NUP210: variants seen among roughly 807,000 people sequenced by gnomAD.
NUP210 encodes nucleoporin 210, also known as nuclear pore membrane glycoprotein 210.
A neutral mutation model predicts 196.0 loss-of-function variants in NUP210; 151 were observed. The ratio of observed to expected loss-of-function variants is 0.77; its 90% confidence interval spans 0.67 to 0.88. The LOEUF (loss-of-function observed/expected upper bound fraction) is 0.88. Among genes scored for constraint, NUP210 ranks in the 40% least tolerant of loss-of-function variants. The probability of loss-of-function intolerance (pLI) is 0.00; values close to 1 mark genes in which losing one functional copy is unlikely to be tolerated. For synonymous variants in NUP210, 1,070 were observed against 1,052.7 expected (o/e 1.02, Z -0.32); for missense variants, 2,314 against 2,493.7 (o/e 0.93, Z 1.53).
chr3:13,398,728 T>C (rs1052471496), intron 2 of NUP210, among the ~76,000 whole-genome samples: 1 of 152,128 alleles, frequency 6.6e-6, no homozygotes. Context: ...GAAACCAGCC[T>C]GGACAACACA....
In NUP210 at chr3:13,420,192, G is replaced by C; in HGVS notation, c.35C>G (p.Thr12Arg). 1 of 1,221,284 alleles carries C rather than the reference G, an allele frequency of 8.2e-7. No homozygotes were observed. Among genetic ancestry groups the C allele is most frequent in the Non-Finnish European group, 1.0e-6 (1 of 965,520 alleles). The allele number at this position is 1,221,284 out of a possible 1,614,324, so 75.7% of individuals were successfully genotyped here. The stretch of plus-strand genomic sequence containing the variant: ...GCCCGCCGCCAACAGCACCGACAGC[G>C]TCAGCAGCAGCAGCCCCCGGCCCCG... Reference protein sequence around the residue: ...AARGRGLLLLTLSVLLAAGPS... With the variant: ...AARGRGLLLLRLSVLLAAGPS... The change falls in exon 1 of 40, where the codon ACG (threonine) becomes AGG (arginine). Residue 12 changes from threonine to arginine, a missense_variant. Coordinates refer to ENST00000254508, the MANE Select transcript of NUP210 (RefSeq NM_024923.4). The surrounding 1 kb of genome is among the most constrained non-coding windows in gnomAD (Gnocchi z 4.8).
At chr3:13,352,835 G>A (rs1489221455) in intron 18 of NUP210, among the ~76,000 whole-genome samples, 1 of 152,084 alleles carries the variant, frequency 6.6e-6, no homozygotes, top group Non-Finnish European at 1.5e-5. Context: ...CATTGTGGGT[G>A]ACAAGGACAA....
chr3:13,342,057 CAAGG>C lies in NUP210; in HGVS notation c.3027_3030del (p.Phe1009LeufsTer10). ...AGGTCCATAAAGGGGAAGTATTTGG[CAAGG>C]AAGGGCTTCTTGTGCAAGTCCAGCA... is the stretch of plus-strand genomic sequence containing the variant. On this transcript the variant is annotated frameshift_variant, in exon 22 of 40. Transcript: ENST00000254508. LOFTEE classifies it high-confidence loss of function. 6.2e-7 allele frequency: 1 copy of C among 1,614,150 alleles called. No individual in the cohort carries two copies. Among genetic ancestry groups the C allele is most frequent in the Non-Finnish European group, 8.5e-7 (1 of 1,180,008 alleles).
At chr3:13,397,275 G>A in intron 3 of NUP210, 82 bp downstream of exon 3, 1 of 1,504,922 alleles carries the variant, frequency 6.6e-7, no homozygotes. Context: ...AGAGGAGTGG[G>A]GAATGCAGAG....
intron 6 of NUP210, among the ~76,000 whole-genome samples, chr3:13,383,877 T>G (rs1028764335): frequency 6.6e-6 from 1 of 152,100 alleles, no homozygotes; most frequent in African/African-American, 2.4e-5. Context: ...ACATGGGCTC[T>G]GCTTGCCCAG....
chr3:13,403,788 G>A (rs1481832181), intron 1 of NUP210, among the ~76,000 whole-genome samples: 2 of 152,190 alleles, frequency 1.3e-5, no homozygotes, highest in African/African-American at 4.8e-5. Context: ...GGCCTGGCCT[G>A]GGAAGGCTTG....
intron 1 of NUP210, among the ~76,000 whole-genome samples, chr3:13,404,726 A>T (rs1699949534): frequency 6.6e-6 from 1 of 152,196 alleles, no homozygotes; most frequent in African/African-American, 2.4e-5. Flanking sequence ...TGCCCCTCAC[A>T]GCTTTCCAGG....
intron 14 of NUP210, among the ~76,000 whole-genome samples, chr3:13,364,626 C>T (rs1194506510): frequency 2.0e-5 from 3 of 152,036 alleles, no homozygotes; most frequent in Non-Finnish European, 4.4e-5. Flanking sequence ...GTCGGGAGTT[C>T]GGGACCAGCC....
chr3:13,392,056 C>T (rs547678470), intron 3 of NUP210, among the ~76,000 whole-genome samples: 1 of 152,338 alleles, frequency 6.6e-6, no homozygotes, highest in East Asian at 1.9e-4. Flanking sequence ...CCACACTCCT[C>T]ACCAGCCCCT....
intron 31 of NUP210, among the ~76,000 whole-genome samples, chr3:13,328,491 T>C (rs2124839577): frequency 6.6e-6 from 1 of 152,306 alleles, no homozygotes; most frequent in African/African-American, 2.4e-5. Flanking sequence ...GAAGGGCCAA[T>C]TTCCTGTGCC....
chr3:13,343,749 A>G (rs1697614220), intron 20 of NUP210, among the ~76,000 whole-genome samples: 1 of 152,196 alleles, frequency 6.6e-6, no homozygotes, highest in Non-Finnish European at 1.5e-5. Context: ...GTGCTAGAGA[A>G]GCACCCCATG....
chr3:13,366,073 G>C lies in NUP210; in HGVS notation c.1805C>G (p.Ser602Cys). The change falls in exon 14 of 40, where the codon TCT becomes TGT. Residue 602 changes from serine to cysteine, a missense_variant. Physicochemically the swap from Ser to Cys is moderately radical, Grantham distance 112. Coordinates refer to ENST00000254508, the MANE Select transcript of NUP210 (RefSeq NM_024923.4). ...TACCCGGATGCCGCTGCAGTGCTCA[G>C]AGCCTGGCGGCAGCCTCCCTACAGA... ...QPLPGRLPPG[S>C]EHCSGIRVKA... The C allele has an allele frequency of 6.2e-7, 1 of 1,613,904 alleles. No individual in the cohort carries two copies.
chr3:13,354,380 C>T (rs1448522084), intron 16 of NUP210: 4 of 475,926 alleles, frequency 8.4e-6, no homozygotes, highest in African/African-American at 5.9e-5. Flanking sequence ...TTCTGGCTGT[C>T]CCTACGCATG....
intron 11 of NUP210, among the ~76,000 whole-genome samples, chr3:13,374,190 A>C: frequency 6.6e-6 from 1 of 152,090 alleles, no homozygotes; most frequent in Non-Finnish European, 1.5e-5. Flanking sequence ...CCCACAGTGC[A>C]CACTCATACA....
At chr3:13,354,415 T>C (rs1328584982) in intron 16 of NUP210, 4 of 376,868 alleles carry the variant, frequency 1.1e-5, no homozygotes, top group Non-Finnish European at 1.5e-5. Context: ...CACTGGCATC[T>C]ACTCGGGAGA....
chr3:13,332,274 CAA>C lies in NUP210; in HGVS notation c.3935+17_3935+18del. On this transcript the variant is annotated intron_variant, in intron 29 of 39. Coordinates refer to ENST00000254508, the MANE Select transcript of NUP210 (RefSeq NM_024923.4). The stretch of plus-strand genomic sequence containing the variant: ...CACAGCCGCACAACTTTGCTGGAAA[CAA>C]GAGCTGAGTCACGTACCTGTTTGTC... The C allele has an allele frequency of 1.2e-6, 2 of 1,603,594 alleles. No homozygotes were observed. The highest frequency in any genetic ancestry group is 2.2e-5 in the East Asian group (1 of 44,772).
Position 13,331,690 on chromosome 3 carries a change from T to C in NUP210, c.3935+603A>G, listed in dbSNP as rs75305614. On this transcript the variant is annotated intron_variant, in intron 29 of 39. Coordinates refer to ENST00000254508, the MANE Select transcript of NUP210 (RefSeq NM_024923.4). ...ACTTTTGGCTGAATGAAAACATGTATGTGTTTCATGCAACATGTAAGTGTC... is the reference window on the plus strand; with the variant it reads ...ACTTTTGGCTGAATGAAAACATGTACGTGTTTCATGCAACATGTAAGTGTC... Among the ~76,000 whole-genome samples, 102 of 152,336 alleles carry C rather than the reference T, an allele frequency of 6.7e-4. 4 individuals carry two copies. In the East Asian group the frequency reaches 0.017, roughly 25 times the overall value.
intron 6 of NUP210, among the ~76,000 whole-genome samples, chr3:13,382,983 T>TA (rs969342305): frequency 3.4e-4 from 50 of 146,530 alleles, no homozygotes; most frequent in East Asian, 2.6e-3. Flanking sequence ...GCATCTCTAT[T>TA]AAAAAAAAAA....
Position 13,391,295 on chromosome 3 carries a change from C to A in NUP210, c.449G>T (p.Ser150Ile). The change falls in exon 4 of 40, where the codon AGC (serine) becomes ATC (isoleucine). Residue 150 changes from serine to isoleucine, a missense_variant. Ser to Ile is a moderately radical substitution (Grantham distance 142). Coordinates refer to ENST00000254508, the MANE Select transcript of NUP210 (RefSeq NM_024923.4). The stretch of plus-strand genomic sequence containing the variant: ...CTCGAAGACCAGTCCAGCCAGAGTG[C>A]TGAAGGTGTTCCCTATAAGAGCAGA... The part of the protein sequence containing the change: ...QALDSEGNTF[S>I]TLAGLVFEWT... The A allele has an allele frequency of 6.2e-7, 1 of 1,609,468 alleles. No individual in the cohort carries two copies. The highest frequency in any genetic ancestry group is 8.5e-7 in the Non-Finnish European group (1 of 1,177,766).
Sources: gnomAD v4.1 joint callset for allele counts (sites outside exome capture counted in the v4.1 genomes callset) on GRCh38, gnomAD v4.1.1 for gene constraint, Gnocchi (gnomAD v3.1) non-coding constraint, MANE v1.5 for transcripts, NCBI Gene and HGNC (gene_info 2026-07-23, HGNC 2026-07-21) for gene names.